The following ZNF717 variants were observed in gnomAD, a reference collection of about 807,000 sequenced individuals.
The protein encoded by ZNF717 is krueppel-like factor X17.
ZNF717 carries 9 observed loss-of-function variants against 13.8 expected under a neutral mutation model. The ratio of observed to expected loss-of-function variants is 0.65; its 90% CI spans 0.39 to 1.14. The LOEUF (loss-of-function observed/expected upper bound fraction) is 1.14, where lower values mean the gene tolerates loss of function less well. Ranked by LOEUF, ZNF717 falls within the 50% of genes most tolerant of loss-of-function variation. The probability of loss-of-function intolerance (pLI) is 0.01; values close to 1 mark genes in which losing one functional copy is unlikely to be tolerated. For synonymous variants in ZNF717, 327 were observed against 364.1 expected (o/e 0.90, Z 1.16); for missense variants, 1,040 against 1,080.7 (o/e 0.96, Z 0.53).
downstream of ZNF717, among the ~76,000 whole-genome samples, chr3:75,731,713 G>C (rs1217997968): frequency 6.6e-6 from 1 of 152,184 alleles, no homozygotes; most frequent in African/African-American, 2.4e-5. Context: ...AGGAGTTTGA[G>C]ACCAGCCTGT....
intron 2 of ZNF717, among the ~76,000 whole-genome samples, chr3:75,760,842 GA>G (rs1445196970): frequency 7.1e-6 from 1 of 139,926 alleles, no homozygotes; most frequent in African/African-American, 2.7e-5. Context: ...AAAAAGAAAG[GA>G]AAAAAAAACA....
chr3:75,763,921 G>A (rs144799326), intron 2 of ZNF717, among the ~76,000 whole-genome samples: 1 of 152,312 alleles, frequency 6.6e-6, no homozygotes, highest in African/African-American at 2.4e-5. Flanking sequence ...TAAAGCAACA[G>A]CCTAGTGCCT....
At chr3:75,734,156 G>C (rs1378083554), downstream of ZNF717, among the ~76,000 whole-genome samples, 1 of 151,936 alleles carries the variant, frequency 6.6e-6, no homozygotes, top group Non-Finnish European at 1.5e-5. Flanking sequence ...TGCAACCTCT[G>C]CCTCCCAGGT....
downstream of ZNF717, among the ~76,000 whole-genome samples, chr3:75,733,578 A>C (rs1938785973): frequency 6.7e-6 from 1 of 150,100 alleles, no homozygotes; most frequent in South Asian, 2.1e-4. Context: ...GGAGATCGAG[A>C]CCACTCTGGC....
At chr3:75,728,120 A>T (rs1257432221), downstream of ZNF717, among the ~76,000 whole-genome samples, 1 of 152,242 alleles carries the variant, frequency 6.6e-6, no homozygotes, top group Non-Finnish European at 1.5e-5. Flanking sequence ...CTATGAAAAA[A>T]CATAAACATA....
chr3:75,771,321 T>C (rs961526397), intron 2 of ZNF717, among the ~76,000 whole-genome samples: 1 of 152,234 alleles, frequency 6.6e-6, no homozygotes, highest in African/African-American at 2.4e-5. Context: ...ATTCCCTTTA[T>C]TGTCTATAAA....
At chr3:75,775,808 T>C (rs893236238) in intron 2 of ZNF717, among the ~76,000 whole-genome samples, 1 of 147,964 alleles carries the variant, frequency 6.8e-6, no homozygotes, top group Non-Finnish European at 1.5e-5. Flanking sequence ...GCCAAGATCG[T>C]GCCACTGCAC....
chr3:75,710,339 C>A (rs1225627721), exon 6 of ZNF717: 3 of 152,222 alleles, frequency 2.0e-5, no homozygotes, highest in African/African-American at 7.2e-5. Context: ...CTATAAATTT[C>A]TAATTTCATA....
rs142904274 is a variant in ZNF717 at position 75,778,266 on chromosome 3, A to G, written c.57+5040T>C. Among the ~76,000 whole-genome samples, 1,493 of 151,808 alleles carry G rather than the reference A, an allele frequency of 9.8e-3. 11 individuals are homozygous for G. Among genetic ancestry groups the G allele is most frequent in the Middle Eastern group, 0.027 (8 of 292 alleles). On this transcript the variant is annotated intron_variant, in intron 2 of 4. Coordinates refer to ENST00000652011, the MANE Select transcript of ZNF717 (RefSeq NM_001290208.3). ...CGTGCTAAAACCGGAACCCAAAACAATGGGAGTGACATGCTAAAACTGGAA... is the reference window on the plus strand; with the variant it reads ...CGTGCTAAAACCGGAACCCAAAACAGTGGGAGTGACATGCTAAAACTGGAA...
chr3:75,779,331 T>C (rs1399032680), intron 2 of ZNF717, among the ~76,000 whole-genome samples: 8 of 145,004 alleles, frequency 5.5e-5, no homozygotes, highest in Admixed American at 1.4e-4. Context: ...GGGAGTGACG[T>C]GCTAAAACTG....
chr3:75,739,988 G>C (rs1269016862), intron 4 of ZNF717, among the ~76,000 whole-genome samples: 12 of 152,222 alleles, frequency 7.9e-5, no homozygotes, highest in Non-Finnish European at 1.5e-4. Context: ...CTGCTTCCCA[G>C]AACCATAATA....
intron 2 of ZNF717, among the ~76,000 whole-genome samples, chr3:75,753,405 G>GT (rs2107457536): frequency 6.7e-6 from 1 of 148,890 alleles, no homozygotes. Context: ...CTGAATGTTT[G>GT]CCTCTCACAT....
intron 2 of ZNF717, among the ~76,000 whole-genome samples, chr3:75,752,983 T>C (rs1161284774): frequency 2.7e-5 from 4 of 146,320 alleles, no homozygotes; most frequent in South Asian, 2.2e-4. Flanking sequence ...GTCCCTCACA[T>C]AGGATTCCAG....
chr3:75,764,723 T>G (rs377470066), intron 2 of ZNF717, among the ~76,000 whole-genome samples: 3 of 152,122 alleles, frequency 2.0e-5, no homozygotes, highest in Non-Finnish European at 4.4e-5. Context: ...GAAACCACAA[T>G]GGGACATCAC....
intron 4 of ZNF717, among the ~76,000 whole-genome samples, chr3:75,739,837 G>C (rs1388537409): frequency 2.6e-5 from 4 of 152,228 alleles, no homozygotes; most frequent in Non-Finnish European, 5.9e-5. Flanking sequence ...CTTGTGGACA[G>C]GATTTTGCCT....
chr3:75,737,724 A>C lies in ZNF717; in HGVS notation c.1899T>G (p.Asn633Lys). The C allele has an allele frequency of 6.5e-7, 1 of 1,545,574 alleles. No homozygotes were observed. Among genetic ancestry groups the C allele is most frequent in the Non-Finnish European group, 8.8e-7 (1 of 1,142,796 alleles). Reference protein sequence around the residue: ...ECGKTFRQKSNLSTHQGTHTG... With the variant: ...ECGKTFRQKSKLSTHQGTHTG... Reference sequence around the variant, plus strand: ...TGTGAGTTCCCTGATGGGTGCTGAGATTTGACTTCTGACGAAAGGTTTTTC... The same window carrying C: ...TGTGAGTTCCCTGATGGGTGCTGAGCTTTGACTTCTGACGAAAGGTTTTTC... The change falls in exon 5 of 5, where the codon AAT becomes AAG. Residue 633 changes from asparagine (N) to lysine (K), a missense_variant. This residue lies in a region of ZNF717 where 873 missense variants were observed against 832.8 expected (regional missense o/e 1.05). Transcript: ENST00000652011.
intron 4 of ZNF717, among the ~76,000 whole-genome samples, chr3:75,721,606 A>G (rs1575722174): frequency 6.6e-6 from 1 of 152,194 alleles, no homozygotes; most frequent in Non-Finnish European, 1.5e-5. Context: ...TTTATTTTAA[A>G]GAACAATCCC....
Position 75,737,660 on chromosome 3 carries a change from T to A in ZNF717, c.1963A>T (p.Thr655Ser). 6.5e-7 allele frequency: 1 copy of A among 1,536,346 alleles called. No homozygotes were observed. Among genetic ancestry groups the A allele is most frequent in the Non-Finnish European group, 8.8e-7 (1 of 1,140,502 alleles). Residue 655 changes from threonine to serine, a missense_variant, in exon 5 of 5, where the codon ACC becomes TCC. Physicochemically the swap from Thr to Ser is moderately conservative, Grantham distance 58. Coordinates refer to ENST00000652011, the MANE Select transcript of ZNF717 (RefSeq NM_001290208.3). Reference sequence around the variant, plus strand: ...GTGAGGAATGACTTGCGATGAAAGGTTTTTCCACATTCATTACATACGTAA... The same window carrying A: ...GTGAGGAATGACTTGCGATGAAAGGATTTTCCACATTCATTACATACGTAA... ...KPYVCNECGK[T>S]FHRKSFLTIH...
At chr3:75,710,348 T>C (rs140179785) in exon 6 of ZNF717, 1 of 152,258 alleles carries the variant, frequency 6.6e-6, no homozygotes, top group Non-Finnish European at 1.5e-5. Flanking sequence ...TCTAATTTCA[T>C]AGAGAAATTT....
Sources: allele counts gnomAD v4.1 joint callset (sites outside exome capture counted in the v4.1 genomes callset), GRCh38; gene constraint gnomAD v4.1.1; regional missense constraint gnomAD v4.1.1; transcripts MANE v1.5; gene names NCBI Gene and HGNC (gene_info 2026-07-23, HGNC 2026-07-21).